The following MYH10 variants were observed in gnomAD, a reference collection of about 807,000 sequenced individuals.
MYH10 encodes myosin-10.
MYH10 carries 55 observed loss-of-function variants against 257.8 expected under a neutral mutation model. That is an observed-to-expected ratio of 0.21 (90% CI 0.17 to 0.27). The LOEUF is 0.27. MYH10 is among the 10% of genes least tolerant of loss of function. The pLI, the probability that MYH10 is intolerant of heterozygous loss-of-function variation, is 1.00. For missense variants in MYH10, 1,631 were observed against 2,500.6 expected (o/e 0.65, Z 7.42); for synonymous variants, 854 against 921.7 (o/e 0.93, Z 1.33).
chr17:8,476,796 TC>T (rs1912715571), intron 42 of MYH10, 79 bp downstream of exon 42: 1 of 1,462,290 alleles, frequency 6.8e-7, no homozygotes, highest in African/African-American at 1.4e-5. Context: ...TAAGTAAACT[TC>T]CTCTGACCAG....
chr17:8,538,294 C>T (rs1052064679), intron 14 of MYH10, among the ~76,000 whole-genome samples: 2 of 152,218 alleles, frequency 1.3e-5, no homozygotes, highest in Admixed American at 6.5e-5. Context: ...CAACCTCCAC[C>T]TCCCGGCTTC....
Position 8,512,528 on chromosome 17 carries a change from C to A in MYH10, c.2875G>T (p.Glu959Ter), listed in dbSNP as rs768456879. ...TCTTCTTCTTCTTCAACCCTAGACT[C>A]CAAGTCATGTAGAATCTCTTCTAAT... ...QELEEILHDL[E>*]SRVEEEEERN... The change falls in exon 24 of 43, where the codon GAG (glutamate) becomes TAG (stop). Residue 959 changes from glutamate to a stop codon, truncating the protein, a stop_gained. Transcript: ENST00000360416. LOFTEE classifies it high-confidence loss of function. 6.2e-7 allele frequency: 1 copy of A among 1,613,896 alleles called. No homozygotes were observed. The highest frequency in any genetic ancestry group is 8.5e-7 in the Non-Finnish European group (1 of 1,179,988).
chr17:8,480,301 G>T lies in MYH10; in HGVS notation c.5406C>A (p.Ala1802=), dbSNP rs201995528. 1.9e-6 allele frequency: 3 copies of T among 1,614,056 alleles called. No individual in the cohort carries two copies. The East Asian group carries it at 6.7e-5, about 36-fold the overall frequency. ...CGGCGCTGCGCTCGGCTGCTAGCTCGGCGTTCAGTGTGTCCACCTAGAGAG... is the reference window on the plus strand; with the variant it reads ...CGGCGCTGCGCTCGGCTGCTAGCTCTGCGTTCAGTGTGTCCACCTAGAGAG... The part of the protein sequence containing the change: ...KTTLQVDTLN[A]ELAAERSAAQ... The change falls in exon 40 of 43, where the codon GCC becomes GCA. Residue 1802 remains alanine, a synonymous_variant. Transcript: ENST00000360416.
At chr17:8,605,126 T>C (rs2084748338) in intron 2 of MYH10, 144 bp from the exon 3 acceptor site, 1 of 463,958 alleles carries the variant, frequency 2.2e-6, no homozygotes. Flanking sequence ...AAATTAAACT[T>C]AGCCTATAAT....
chr17:8,511,376 T>C (rs1295469718), intron 24 of MYH10, among the ~76,000 whole-genome samples: 1 of 151,820 alleles, frequency 6.6e-6, no homozygotes, highest in Non-Finnish European at 1.5e-5. Flanking sequence ...AAAAATTAGC[T>C]GGGCGTGGTA....
In MYH10 at chr17:8,569,089, A is replaced by G. The variant is rs1402359709; in HGVS notation, c.756+631T>C. ...TCTTTTAAATTAGCCTGGTGAAGTA[A>G]CGTGAGCCTGTAGTCCCGGCTCCTT... On this transcript the variant is annotated intron_variant, in intron 7 of 42. Transcript: ENST00000360416. This position sits in a 1 kb window ranked among gnomAD's most constrained non-coding sequence, Gnocchi z 4.1. Among the ~76,000 whole-genome samples, 3 of 151,714 alleles carry G rather than the reference A, an allele frequency of 2.0e-5. No homozygotes were observed. The highest frequency in any genetic ancestry group is 1.3e-4 in the Admixed American group (2 of 15,246).
intron 4 of MYH10, among the ~76,000 whole-genome samples, chr17:8,581,164 G>A (rs1010387410): frequency 4.6e-5 from 7 of 152,104 alleles, no homozygotes; most frequent in Non-Finnish European, 8.8e-5. Context: ...GCAGGAAGGG[G>A]AGGGGTGCCA....
intron 6 of MYH10, chr17:8,573,810 T>C: frequency 5.2e-6 from 5 of 959,400 alleles, no homozygotes; most frequent in Non-Finnish European, 6.2e-6. Flanking sequence ...TATTTGTTCA[T>C]ATTTTGAAAA....
chr17:8,572,192 G>A (rs550902389), intron 6 of MYH10, among the ~76,000 whole-genome samples: 177 of 151,658 alleles, frequency 1.2e-3, no homozygotes, highest in African/African-American at 4.1e-3. Flanking sequence ...AGGATTATTT[G>A]AGTCAAATTT....
At chr17:8,527,424 T>C (rs2081880869) in intron 17 of MYH10, among the ~76,000 whole-genome samples, 1 of 152,218 alleles carries the variant, frequency 6.6e-6, no homozygotes, top group Admixed American at 6.5e-5. Context: ...AGGAAGCCCC[T>C]CTTTGCCTAC....
chr17:8,616,473 C>T (rs1567986516), intron 2 of MYH10, among the ~76,000 whole-genome samples: 1 of 151,626 alleles, frequency 6.6e-6, no homozygotes, highest in Non-Finnish European at 1.5e-5. Flanking sequence ...ATAATGATAA[C>T]AATTATGTAC....
At chr17:8,617,623 A>G (rs183156851) in intron 2 of MYH10, among the ~76,000 whole-genome samples, 11 of 152,246 alleles carry the variant, frequency 7.2e-5, no homozygotes, top group Admixed American at 6.5e-4. Flanking sequence ...CTAGTTACAC[A>G]CCTTACAGAA....
chr17:8,624,833 T>C (rs2085609189), intron 1 of MYH10, among the ~76,000 whole-genome samples: 1 of 151,978 alleles, frequency 6.6e-6, no homozygotes, highest in South Asian at 2.1e-4. Flanking sequence ...GTGGGAGGAG[T>C]GCTTGAAGCC....
In MYH10 at chr17:8,506,308, G is replaced by T; in HGVS notation, c.3386+10C>A. ...GGGCTCCCGTGCAGCGCAGCTGCTG[G>T]GCTGCAGACCTGGCCAGTGCGCCCT... is the stretch of plus-strand genomic sequence containing the variant. On this transcript the variant is annotated intron_variant, in intron 27 of 42. Transcript: ENST00000360416. The surrounding 1 kb of genome is among the most constrained non-coding windows in gnomAD (Gnocchi z 5.0). 6.4e-7 allele frequency: 1 copy of T among 1,574,410 alleles called. No homozygotes were observed. Among genetic ancestry groups the T allele is most frequent in the Non-Finnish European group, 8.6e-7 (1 of 1,167,814 alleles).
chr17:8,497,925 A>G (rs988492479), intron 30 of MYH10, among the ~76,000 whole-genome samples: 4 of 150,990 alleles, frequency 2.6e-5, no homozygotes, highest in African/African-American at 9.7e-5. Context: ...ATTATAAGTA[A>G]TCTAGAGATG....
intron 2 of MYH10, 122 bp downstream of exon 2, chr17:8,622,780 G>A: frequency 8.5e-7 from 1 of 1,176,436 alleles, no homozygotes; most frequent in Non-Finnish European, 1.2e-6. Context: ...ATCTTAAAGA[G>A]AAATAGAAAT....
At chr17:8,622,225 T>G (rs2085493685) in intron 2 of MYH10, among the ~76,000 whole-genome samples, 1 of 152,180 alleles carries the variant, frequency 6.6e-6, no homozygotes, top group South Asian at 2.1e-4. Flanking sequence ...ACCTATTTTG[T>G]CATTTTAGAT....
At chr17:8,617,358 C>G (rs2085305935) in intron 2 of MYH10, among the ~76,000 whole-genome samples, 1 of 152,110 alleles carries the variant, frequency 6.6e-6, no homozygotes, top group Non-Finnish European at 1.5e-5. Context: ...ACAGCTCTTT[C>G]CTAATGCTTC....
At chr17:8,583,469 T>C (rs2083783411) in intron 4 of MYH10, among the ~76,000 whole-genome samples, 1 of 151,890 alleles carries the variant, frequency 6.6e-6, no homozygotes, top group Non-Finnish European at 1.5e-5. Context: ...GTGGGGAGAA[T>C]CACAGTCTGA....
Sources: allele counts gnomAD v4.1 joint callset (sites outside exome capture counted in the v4.1 genomes callset), GRCh38; gene constraint gnomAD v4.1.1; non-coding constraint Gnocchi (gnomAD v3.1); transcripts MANE v1.5; gene names NCBI Gene and HGNC (gene_info 2026-07-23, HGNC 2026-07-21).